The following OR9Q1 variants were observed in gnomAD, a reference collection of about 807,000 sequenced individuals.
The protein encoded by OR9Q1 is olfactory receptor family 9 subfamily Q member 1, also known as olfactory receptor 9Q1.
For missense variants in OR9Q1, 374 were observed against 378.8 expected, an observed-to-expected ratio of 0.99 and a Z score of 0.11; for synonymous variants, 153 against 148.6, an observed-to-expected ratio of 1.03 and a Z score of -0.22.
chr11:58,166,242 A>AT (rs1854503353), intron 2 of OR9Q1, among the ~76,000 whole-genome samples: 1 of 152,200 alleles, frequency 6.6e-6, no homozygotes, highest in South Asian at 2.1e-4. Flanking sequence ...AAAATAACAC[A>AT]TTTTTGTTAC....
At position 58,179,766 on chromosome 11, in the gene OR9Q1, G is replaced by T. The variant is rs1292499941; in HGVS notation, c.322G>T (p.Gly108Cys). Residue 108 changes from glycine to cysteine, a missense_variant, in exon 3 of 3, where the codon GGT becomes TGT. By Grantham distance (159) the Gly-to-Cys change is radical. Coordinates refer to ENST00000335397, the MANE Select transcript of OR9Q1 (RefSeq NM_001005212.4). ...AAQFFLFTFFGSIDCYLLALM... is the reference protein window; with the variant it reads ...AAQFFLFTFFCSIDCYLLALM... The stretch of plus-strand genomic sequence containing the variant: ...TCAGTTCTTTCTGTTCACCTTCTTT[G>T]GTTCCATCGACTGCTACCTCTTGGC... 1.9e-6 allele frequency: 3 copies of T among 1,614,036 alleles called. No homozygotes were observed. The highest frequency in any genetic ancestry group is 1.1e-5 in the South Asian group (1 of 91,084).
At chr11:58,149,583 C>T (rs1056939226) in intron 2 of OR9Q1, among the ~76,000 whole-genome samples, 11 of 152,082 alleles carry the variant, frequency 7.2e-5, no homozygotes, top group African/African-American at 9.7e-5. Flanking sequence ...TTTCATCATC[C>T]CAAACTGAAA....
chr11:58,106,308 A>C (rs894442635), intron 2 of OR9Q1, among the ~76,000 whole-genome samples: 2 of 151,856 alleles, frequency 1.3e-5, no homozygotes, highest in African/African-American at 2.4e-5. Flanking sequence ...GTATAGATAT[A>C]TATTCAGTTC....
chr11:58,068,518 C>T (rs1471124819), intron 2 of OR9Q1, among the ~76,000 whole-genome samples: 1 of 152,126 alleles, frequency 6.6e-6, no homozygotes, highest in Non-Finnish European at 1.5e-5. Flanking sequence ...CCCTCAGACA[C>T]TTCCCAAGTT....
chr11:58,024,160 CTG>C (rs1477608045), intron 1 of OR9Q1, 56 bp downstream of exon 1: 1 of 152,402 alleles, frequency 6.6e-6, no homozygotes, highest in Admixed American at 6.5e-5. Flanking sequence ...ACACAGGGGG[CTG>C]TCTGCATGTT....
chr11:58,136,973 A>G (rs565604369), intron 2 of OR9Q1, among the ~76,000 whole-genome samples: 1 of 152,066 alleles, frequency 6.6e-6, no homozygotes, highest in Non-Finnish European at 1.5e-5. Flanking sequence ...TCATCCATAG[A>G]TCAGTCTGAT....
intron 2 of OR9Q1, among the ~76,000 whole-genome samples, chr11:58,138,169 C>G (rs1854207137): frequency 6.6e-6 from 1 of 152,122 alleles, no homozygotes; most frequent in Non-Finnish European, 1.5e-5. Context: ...TAGGAAAATG[C>G]TTCCTCCTCC....
chr11:58,096,863 C>G (rs1300759319), intron 2 of OR9Q1, among the ~76,000 whole-genome samples: 3 of 152,158 alleles, frequency 2.0e-5, no homozygotes, highest in Admixed American at 2.0e-4. Context: ...ATTACCATGG[C>G]TGGCTAATTT....
At chr11:58,039,008 GA>G (rs1853134331) in intron 1 of OR9Q1, among the ~76,000 whole-genome samples, 1 of 151,404 alleles carries the variant, frequency 6.6e-6, no homozygotes, top group East Asian at 1.9e-4. Context: ...TATTTATTTT[GA>G]GACAGGGTCT....
intron 1 of OR9Q1, among the ~76,000 whole-genome samples, chr11:58,037,511 G>T (rs1438383039): frequency 6.0e-5 from 9 of 151,150 alleles, no homozygotes; most frequent in Non-Finnish European, 1.3e-4. Context: ...AACATACTGG[G>T]TTATGTAGTT....
At chr11:58,103,776 C>T (rs745995229) in intron 2 of OR9Q1, among the ~76,000 whole-genome samples, 20 of 152,110 alleles carry the variant, frequency 1.3e-4, no homozygotes, top group Non-Finnish European at 1.8e-4. Context: ...TAGATGGGGC[C>T]TAGGATGTCA....
Position 58,180,209 on chromosome 11 carries a change from C to T in OR9Q1, c.765C>T (p.Ile255=). Residue 255 remains isoleucine, a synonymous_variant, in exon 3 of 3, where the codon ATC becomes ATT. Transcript: ENST00000335397. ...TAVSLFFGTL[I]FMYLRGNSDQ... ...TGTCACTCTTCTTTGGTACCCTCAT[C>T]TTCATGTACTTGAGAGGTAACTCAG... The T allele has an allele frequency of 6.2e-7, 1 of 1,614,116 alleles. No homozygotes were observed. The highest frequency in any genetic ancestry group is 8.5e-7 in the Non-Finnish European group (1 of 1,180,010).
At chr11:58,175,726 G>T (rs1565097368) in intron 2 of OR9Q1, among the ~76,000 whole-genome samples, 1 of 151,780 alleles carries the variant, frequency 6.6e-6, no homozygotes, top group Non-Finnish European at 1.5e-5. Flanking sequence ...TTAGCACAGC[G>T]ACGAGTCAAT....
At chr11:58,120,252 G>A (rs1425690152) in intron 2 of OR9Q1, among the ~76,000 whole-genome samples, 1 of 152,190 alleles carries the variant, frequency 6.6e-6, no homozygotes. Context: ...CCTTGGGTAA[G>A]TTAACTAACC....
At chr11:58,087,647 A>G (rs1242687900) in intron 2 of OR9Q1, among the ~76,000 whole-genome samples, 3 of 151,814 alleles carry the variant, frequency 2.0e-5, no homozygotes, top group Admixed American at 2.0e-4. Flanking sequence ...TGCTGCACCC[A>G]TCAACTCGTC....
chr11:58,157,622 T>C (rs1039472092), intron 2 of OR9Q1, among the ~76,000 whole-genome samples: 2 of 152,168 alleles, frequency 1.3e-5, no homozygotes, highest in African/African-American at 4.8e-5. Flanking sequence ...TAGCCTCTGC[T>C]TAATGCTACA....
intron 2 of OR9Q1, chr11:58,078,306 G>A (rs1188519098): frequency 1.3e-5 from 2 of 152,220 alleles, no homozygotes; most frequent in Non-Finnish European, 2.9e-5. Context: ...CTACACAAAT[G>A]AAGAAAAAGG....
intron 2 of OR9Q1, among the ~76,000 whole-genome samples, chr11:58,169,993 C>T (rs1399640789): frequency 6.6e-6 from 1 of 152,122 alleles, no homozygotes; most frequent in Middle Eastern, 3.4e-3. Context: ...TTTGAACCCT[C>T]TCAGTGACTT....
intron 1 of OR9Q1, among the ~76,000 whole-genome samples, chr11:58,029,402 G>A (rs571114910): frequency 4.7e-4 from 71 of 152,270 alleles, no homozygotes; most frequent in Non-Finnish European, 9.3e-4. Flanking sequence ...TCCCGGGCCT[G>A]GAACCTGGCA....
Sources: gnomAD v4.1 joint callset for allele counts (sites outside exome capture counted in the v4.1 genomes callset) on GRCh38, gnomAD v4.1.1 for gene constraint, MANE v1.5 for transcripts, NCBI Gene and HGNC (gene_info 2026-07-23, HGNC 2026-07-21) for gene names.